UGP2: variants seen among roughly 807,000 people sequenced by gnomAD.
UGP2 encodes UTP--glucose-1-phosphate uridylyltransferase.
A neutral mutation model predicts 49.0 loss-of-function variants in UGP2; 40 were observed. The observed-to-expected ratio is 0.82, with a 90% CI of 0.63 to 1.06. UGP2 has a LOEUF of 1.06. UGP2 is among the 50% of genes least tolerant of loss of function. The pLI is 0.00. For missense variants in UGP2, 460 were observed against 603.5 expected, an observed-to-expected ratio of 0.76 and a Z score of 2.49; for synonymous variants, 225 against 213.0, an observed-to-expected ratio of 1.06 and a Z score of -0.49.
chr2:63,857,011 G>A, intron 2 of UGP2: 6 of 361,664 alleles, frequency 1.7e-5, no homozygotes, highest in South Asian at 1.3e-4. Context: ...TGGTAAGTAA[G>A]TGTAGCGGCC....
chr2:63,873,669 A>G (rs1454672845), intron 3 of UGP2, among the ~76,000 whole-genome samples: 2 of 152,128 alleles, frequency 1.3e-5, no homozygotes, highest in Non-Finnish European at 2.9e-5. Flanking sequence ...GAGATGTGGT[A>G]TGTTAGAGAA....
intron 1 of UGP2, chr2:63,842,705 T>A: frequency 9.1e-7 from 1 of 1,103,018 alleles, no homozygotes; most frequent in Non-Finnish European, 1.2e-6. Flanking sequence ...AAACTGGGAG[T>A]AGCCCGAAGA....
In UGP2 at chr2:63,874,218, C is replaced by T. The variant is rs896819663; in HGVS notation, c.256-8248C>T. On this transcript the variant is annotated intron_variant, in intron 3 of 9. Coordinates refer to ENST00000337130, the MANE Select transcript of UGP2 (RefSeq NM_006759.4). ...GGGGTAGGCAGCTAATAATCTCTGCCATGCCATGCCAGTGCTTTATTTTAT... is the reference window on the plus strand; with the variant it reads ...GGGGTAGGCAGCTAATAATCTCTGCTATGCCATGCCAGTGCTTTATTTTAT... 4.2e-4 allele frequency among the ~76,000 whole-genome samples: 64 copies of T among 152,250 alleles called. 3 individuals carry two copies. The highest frequency in any genetic ancestry group is 3.7e-3 in the Admixed American group (56 of 15,286).
intron 3 of UGP2, among the ~76,000 whole-genome samples, chr2:63,859,791 GCTT>G (rs1423064041): frequency 1.3e-5 from 2 of 152,160 alleles, no homozygotes; most frequent in Admixed American, 1.3e-4. Flanking sequence ...TAAGTTTTAA[GCTT>G]CTTCAGAAAA....
intron 3 of UGP2, among the ~76,000 whole-genome samples, chr2:63,861,565 G>A (rs1575819630): frequency 6.6e-6 from 1 of 150,782 alleles, no homozygotes; most frequent in African/African-American, 2.4e-5. Flanking sequence ...GCATCTACCT[G>A]TAGTCCCAGC....
At chr2:63,886,728 G>A (rs575533048) in intron 7 of UGP2, among the ~76,000 whole-genome samples, 190 bp downstream of exon 7, 1 of 152,108 alleles carries the variant, frequency 6.6e-6, no homozygotes, top group Non-Finnish European at 1.5e-5. Flanking sequence ...AAGTTATGGT[G>A]CCCTATATTT....
At chr2:63,881,468 G>A (rs1671308038) in intron 3 of UGP2, among the ~76,000 whole-genome samples, 1 of 152,136 alleles carries the variant, frequency 6.6e-6, no homozygotes, top group African/African-American at 2.4e-5. Flanking sequence ...TGTGTTAGCT[G>A]TTGTACACCA....
chr2:63,857,353 T>C (rs918697539), intron 2 of UGP2, among the ~76,000 whole-genome samples: 5 of 146,154 alleles, frequency 3.4e-5, no homozygotes, highest in Non-Finnish European at 7.5e-5. Context: ...AAACAAATGG[T>C]GTTTGTTTGT....
intron 1 of UGP2, among the ~76,000 whole-genome samples, chr2:63,853,148 G>C (rs1669152021): frequency 6.6e-6 from 1 of 152,022 alleles, no homozygotes; most frequent in African/African-American, 2.4e-5. Context: ...ACTGAGGTGT[G>C]GTCAGAGAGG....
intron 1 of UGP2, among the ~76,000 whole-genome samples, chr2:63,848,766 G>T (rs375508828): frequency 6.6e-6 from 1 of 152,172 alleles, no homozygotes; most frequent in Non-Finnish European, 1.5e-5. Context: ...ATTAAACTTT[G>T]TGTGTTTTTT....
intron 1 of UGP2, among the ~76,000 whole-genome samples, chr2:63,848,459 G>T (rs1341442438): frequency 6.6e-6 from 1 of 152,164 alleles, no homozygotes; most frequent in African/African-American, 2.4e-5. Flanking sequence ...CGCCTCCCAG[G>T]TTCAAGTGAT....
chr2:63,882,411 T>C, intron 3 of UGP2, 55 bp from the exon 4 acceptor site: 1 of 1,401,530 alleles, frequency 7.1e-7, no homozygotes, highest in Non-Finnish European at 9.5e-7. Flanking sequence ...ATTGATATGC[T>C]TTAACGTCCC....
chr2:63,886,491 C>A lies in UGP2; in HGVS notation c.1024C>A (p.Leu342Met). Reference sequence around the variant, plus strand: ...GATTTCTCTTGCAGCAGTTAAAAGACTGCAGGAGCAAAATGCCATTGACAT... The same window carrying A: ...GATTTCTCTTGCAGCAGTTAAAAGAATGCAGGAGCAAAATGCCATTGACAT... ...LWISLAAVKR[L>M]QEQNAIDMEI... The change falls in exon 7 of 10, where the codon CTG (leucine) becomes ATG (methionine). Residue 342 changes from leucine (L) to methionine (M), a missense_variant. By Grantham distance (15) the Leu-to-Met change is conservative. Transcript: ENST00000337130. The A allele has an allele frequency of 1.2e-6, 2 of 1,614,158 alleles. No individual in the cohort carries two copies. Among genetic ancestry groups the A allele is most frequent in the Non-Finnish European group, 1.7e-6 (2 of 1,180,014 alleles).
chr2:63,856,809 A>G (rs1185168807), intron 2 of UGP2: 6 of 459,774 alleles, frequency 1.3e-5, no homozygotes, highest in Admixed American at 7.0e-5. Flanking sequence ...TGATAGAACC[A>G]TGCTACTTTG....
At chr2:63,873,168 G>C (rs571537249) in intron 3 of UGP2, among the ~76,000 whole-genome samples, 1 of 152,314 alleles carries the variant, frequency 6.6e-6, no homozygotes, top group South Asian at 2.1e-4. Context: ...AACAAAAGTT[G>C]TGGAAGCTTG....
At position 63,891,059 on chromosome 2, in the gene UGP2, G is replaced by GT. The variant is rs1371599493; in HGVS notation, c.1420-60dup. The GT allele has an allele frequency of 4.9e-6, 7 of 1,431,892 alleles. No homozygotes were observed. The Admixed American group carries it at 1.3e-4, about 26-fold the overall frequency. 88.7% of individuals were successfully genotyped at this position (1,431,892 alleles called of 1,614,324 possible). A position where few individuals can be genotyped will look rare whatever the true frequency, so the allele number is the denominator to read the frequency against. ...AAAGTTGTACATAAACTTGATCACTGTAAGATAATCAAATTGCATTTCAGT... is the reference window on the plus strand; with the variant it reads ...AAAGTTGTACATAAACTTGATCACTGTTAAGATAATCAAATTGCATTTCAGT... On this transcript the variant is annotated intron_variant, in intron 9 of 9. Coordinates refer to ENST00000337130, the MANE Select transcript of UGP2 (RefSeq NM_006759.4).
intron 8 of UGP2, chr2:63,887,869 G>T: frequency 3.4e-6 from 2 of 582,484 alleles, no homozygotes; most frequent in South Asian, 2.4e-5. Context: ...TTTAAATTTT[G>T]GGGCATTTTA....
In UGP2 at chr2:63,886,497, G is replaced by C. The variant is rs1465075873; in HGVS notation, c.1030G>C (p.Glu344Gln). ...TCTTGCAGCAGTTAAAAGACTGCAGGAGCAAAATGCCATTGACATGGAAAT... is the reference window on the plus strand; with the variant it reads ...TCTTGCAGCAGTTAAAAGACTGCAGCAGCAAAATGCCATTGACATGGAAAT... ...ISLAAVKRLQ[E>Q]QNAIDMEIIV... is the part of the protein sequence containing the mutation. Residue 344 changes from glutamate to glutamine, a missense_variant, in exon 7 of 10, where the codon GAG becomes CAG. By Grantham distance (29) the Glu-to-Gln change is conservative. Coordinates refer to ENST00000337130, the MANE Select transcript of UGP2 (RefSeq NM_006759.4). 1.9e-6 allele frequency: 3 copies of C among 1,614,142 alleles called. No individual in the cohort carries two copies. The highest frequency in any genetic ancestry group is 3.3e-4 in the Middle Eastern group (2 of 6,060).
chr2:63,885,903 A>T lies in UGP2; in HGVS notation c.873+17A>T, dbSNP rs1671637999. On this transcript the variant is annotated intron_variant, in intron 6 of 9. Coordinates refer to ENST00000337130, the MANE Select transcript of UGP2 (RefSeq NM_006759.4). ...GATGTAAAGGTAAATACCGAGAGGA[A>T]GCAGTTTAGGGCTTCATGTTTTCAC... 1 of 1,542,134 alleles carries T rather than the reference A, an allele frequency of 6.5e-7. No homozygotes were observed.
Sources: allele counts gnomAD v4.1 joint callset (sites outside exome capture counted in the v4.1 genomes callset), GRCh38; gene constraint gnomAD v4.1.1; transcripts MANE v1.5; gene names NCBI Gene and HGNC (gene_info 2026-07-23, HGNC 2026-07-21).